The following ZBTB20 variants were observed in gnomAD, a reference collection of about 807,000 sequenced individuals.
The protein encoded by ZBTB20 is zinc finger and BTB domain-containing protein 20.
A neutral mutation model predicts 56.9 loss-of-function variants in ZBTB20; 9 were observed. That is an observed-to-expected ratio of 0.16 (90% CI 0.10 to 0.28). The LOEUF (loss-of-function observed/expected upper bound fraction) is 0.28, where lower values mean the gene tolerates loss of function less well. ZBTB20 is among the 10% of genes least tolerant of loss of function. ZBTB20 has a pLI of 1.00. For synonymous variants in ZBTB20, 417 were observed against 420.7 expected (o/e 0.99, Z 0.11); for missense variants, 655 against 1,003.0 (o/e 0.65, Z 4.69).
chr3:114,659,993 T>G (rs993276158), intron 6 of ZBTB20, among the ~76,000 whole-genome samples: 16 of 151,970 alleles, frequency 1.1e-4, no homozygotes, highest in East Asian at 3.8e-4. Context: ...TTATTAAAAA[T>G]TTTTTAAAAA....
chr3:114,391,674 C>G (rs1041691924), intron 7 of ZBTB20, among the ~76,000 whole-genome samples: 3 of 152,154 alleles, frequency 2.0e-5, no homozygotes, highest in African/African-American at 7.2e-5. Flanking sequence ...TGATAATCTG[C>G]TGAACTGAAT....
At chr3:114,391,657 A>C (rs902556561) in intron 7 of ZBTB20, among the ~76,000 whole-genome samples, 2 of 152,224 alleles carry the variant, frequency 1.3e-5, no homozygotes, top group Non-Finnish European at 2.9e-5. Flanking sequence ...TTAAGTTTGC[A>C]CTAGGCTGAT....
At chr3:114,473,110 A>G (rs1028444863) in intron 7 of ZBTB20, among the ~76,000 whole-genome samples, 3 of 152,204 alleles carry the variant, frequency 2.0e-5, no homozygotes, top group Admixed American at 2.0e-4. Flanking sequence ...GAGCACAGAC[A>G]TACTTCAACT....
chr3:114,957,683 G>A (rs576121397), intron 3 of ZBTB20, among the ~76,000 whole-genome samples: 2 of 152,006 alleles, frequency 1.3e-5, no homozygotes, highest in Non-Finnish European at 2.9e-5. Context: ...CCTTTTCATC[G>A]TGACAACCAC....
chr3:114,446,530 T>G (rs1240550525), intron 7 of ZBTB20, among the ~76,000 whole-genome samples: 1 of 152,164 alleles, frequency 6.6e-6, no homozygotes, highest in African/African-American at 2.4e-5. Context: ...CCAGAAAAAC[T>G]CAGATTTTCT....
chr3:114,377,765 C>A (rs9839110), intron 10 of ZBTB20, among the ~76,000 whole-genome samples: 2 of 152,098 alleles, frequency 1.3e-5, no homozygotes, highest in African/African-American at 2.4e-5. Flanking sequence ...TAACCACAAG[C>A]GAGTCTTCCA....
intron 1 of ZBTB20, among the ~76,000 whole-genome samples, chr3:115,134,384 G>A (rs2084596586): frequency 6.6e-6 from 1 of 152,082 alleles, no homozygotes. Context: ...AGTTTTCTTA[G>A]CAGCCAAGTG....
chr3:115,046,788 C>T (rs2081349173), intron 2 of ZBTB20, among the ~76,000 whole-genome samples: 1 of 152,132 alleles, frequency 6.6e-6, no homozygotes, highest in Non-Finnish European at 1.5e-5. Flanking sequence ...CACAATGACA[C>T]TTTCGCAGTC....
At chr3:114,895,669 T>A (rs2074846257) in intron 4 of ZBTB20, among the ~76,000 whole-genome samples, 1 of 152,070 alleles carries the variant, frequency 6.6e-6, no homozygotes, top group Non-Finnish European at 1.5e-5. Flanking sequence ...TACTACTGAT[T>A]ATAAAAATTT....
chr3:114,457,348 C>T lies in ZBTB20; in HGVS notation c.-255+43004G>A, dbSNP rs180967175. On this transcript the variant is annotated intron_variant, in intron 7 of 11. Transcript: ENST00000675478. ...ATAAAGTACACAGCTAGTCATTACA[C>T]GGTAGTTATTATGGAGGAAGGTGTG... 1.2e-3 allele frequency among the ~76,000 whole-genome samples: 181 copies of T among 152,168 alleles called. 1 individual carries two copies. The highest frequency in any genetic ancestry group is 4.2e-3 in the African/African-American group (173 of 41,512).
chr3:114,688,657 A>C (rs1035472776), intron 6 of ZBTB20, among the ~76,000 whole-genome samples: 1 of 152,202 alleles, frequency 6.6e-6, no homozygotes, highest in African/African-American at 2.4e-5. Flanking sequence ...ATAAACAAAG[A>C]CATGATTAAC....
At chr3:115,079,324 G>A (rs186647657) in intron 1 of ZBTB20, among the ~76,000 whole-genome samples, 8 of 152,082 alleles carry the variant, frequency 5.3e-5, no homozygotes, top group African/African-American at 9.7e-5. Flanking sequence ...AAATATGTGC[G>A]CATAGCTACA....
chr3:115,013,316 C>A (rs111567181), intron 2 of ZBTB20, among the ~76,000 whole-genome samples: 5,313 of 151,228 alleles, frequency 0.035, 119 homozygotes, highest in African/African-American at 0.05. Context: ...AACTTTTAGA[C>A]CCAAATAAGT....
intron 6 of ZBTB20, chr3:114,658,573 C>G (rs2060540006): frequency 6.6e-6 from 1 of 152,132 alleles, no homozygotes; most frequent in Non-Finnish European, 1.5e-5. Flanking sequence ...AATGTTCTTT[C>G]CCATCTCCCA....
intron 2 of ZBTB20, among the ~76,000 whole-genome samples, chr3:114,983,010 TA>T (rs1345791645): frequency 6.6e-6 from 1 of 152,030 alleles, no homozygotes; most frequent in Non-Finnish European, 1.5e-5. Context: ...ATAATCTAGT[TA>T]TTTCCTATAA....
At chr3:114,753,939 C>G (rs540388933) in intron 5 of ZBTB20, among the ~76,000 whole-genome samples, 3 of 152,176 alleles carry the variant, frequency 2.0e-5, no homozygotes, top group African/African-American at 7.2e-5. Flanking sequence ...TTTCTGGAAA[C>G]AAAGGGGAAA....
At chr3:115,042,080 G>A (rs2081166966) in intron 2 of ZBTB20, among the ~76,000 whole-genome samples, 1 of 151,962 alleles carries the variant, frequency 6.6e-6, no homozygotes, top group South Asian at 2.1e-4. Context: ...TCTCCACCAA[G>A]ACAAACTAAA....
At chr3:114,646,899 T>C (rs1407161380) in intron 6 of ZBTB20, among the ~76,000 whole-genome samples, 1 of 152,136 alleles carries the variant, frequency 6.6e-6, no homozygotes, top group Non-Finnish European at 1.5e-5. Flanking sequence ...AGGGCTAGAG[T>C]TGCTAGTTAA....
chr3:115,091,669 G>T (rs1409055608), intron 1 of ZBTB20, among the ~76,000 whole-genome samples: 1 of 150,228 alleles, frequency 6.7e-6, no homozygotes. Flanking sequence ...ACAAAGAAAT[G>T]TGTATTTTAT....
Sources: gnomAD v4.1 joint callset for allele counts (sites outside exome capture counted in the v4.1 genomes callset) on GRCh38, gnomAD v4.1.1 for gene constraint, MANE v1.5 for transcripts, NCBI Gene and HGNC (gene_info 2026-07-23, HGNC 2026-07-21) for gene names.